Variants in DHX32 observed in about 807,000 individuals in gnomAD.
The protein encoded by DHX32 is DEAH-box helicase 32 (putative).
Under a neutral mutation model 70.0 loss-of-function variants are expected in DHX32, and 51 were observed. The observed-to-expected ratio is 0.73, with a 90% CI of 0.58 to 0.92. The LOEUF (loss-of-function observed/expected upper bound fraction) is 0.92, where lower values mean the gene tolerates loss of function less well. Among genes scored for constraint, DHX32 ranks in the 40% least tolerant of loss-of-function variants. The pLI, the probability that DHX32 is intolerant of heterozygous loss-of-function variation, is 0.00. For synonymous variants in DHX32, 310 were observed against 315.3 expected, an observed-to-expected ratio of 0.98 and a Z score of 0.18; for missense variants, 762 against 891.8, an observed-to-expected ratio of 0.85 and a Z score of 1.85.
intron 2 of DHX32, among the ~76,000 whole-genome samples, chr10:125,865,372 T>C (rs747625259): frequency 7.9e-5 from 12 of 152,238 alleles, no homozygotes; most frequent in Non-Finnish European, 1.6e-4. Flanking sequence ...ATAATTGTTA[T>C]AATAACAGAA....
chr10:125,873,085 C>T (rs1006097108), intron 1 of DHX32, among the ~76,000 whole-genome samples: 8 of 152,078 alleles, frequency 5.3e-5, no homozygotes, highest in Admixed American at 2.6e-4. Flanking sequence ...AGGGAGATCT[C>T]CTATAAGAAT....
At chr10:125,876,879 A>G (rs1944287511) in intron 1 of DHX32, among the ~76,000 whole-genome samples, 1 of 152,240 alleles carries the variant, frequency 6.6e-6, no homozygotes, top group South Asian at 2.1e-4. Flanking sequence ...TAGAAATCAG[A>G]TAATAATTAG....
rs1944313542 is a variant in DHX32 at position 125,880,930 on chromosome 10, G to A, written c.-106C>T. On this transcript the variant is annotated 5_prime_UTR_variant, in exon 1 of 11. Coordinates refer to ENST00000284690, the MANE Select transcript of DHX32 (RefSeq NM_018180.3). ...AAAGCCTATTTATACAAACCCGTATGTTCCAATCTCTAAGACTTCAGTTCA... is the reference window on the plus strand; with the variant it reads ...AAAGCCTATTTATACAAACCCGTATATTCCAATCTCTAAGACTTCAGTTCA... 2 of 1,324,062 alleles carry A rather than the reference G, an allele frequency of 1.5e-6. No individual in the cohort carries two copies. Among genetic ancestry groups the A allele is most frequent in the Non-Finnish European group, 2.1e-6 (2 of 968,152 alleles). The allele number at this position is 1,324,062 out of a possible 1,614,324, so 82.0% of individuals were successfully genotyped here.
At chr10:125,847,933 C>T (rs1304198263) in intron 6 of DHX32, among the ~76,000 whole-genome samples, 1 of 152,174 alleles carries the variant, frequency 6.6e-6, no homozygotes, top group Non-Finnish European at 1.5e-5. Context: ...TGCTCGCTTG[C>T]CCCCCACTCA....
rs534005692 is a variant in DHX32, at chr10:125,872,109, G to A, written c.283-4926C>T. ...ATTCCCAACCTCAGGTGATCCGCCC[G>A]CCTCGGCCTCCCAAAGTGCTGGGAT... is the stretch of plus-strand genomic sequence containing the variant. On this transcript the variant is annotated intron_variant, in intron 1 of 10. Transcript: ENST00000284690. Among the ~76,000 whole-genome samples, 71 of 152,154 alleles carry A rather than the reference G, an allele frequency of 4.7e-4. 3 individuals carry two copies. In the South Asian group the frequency reaches 0.015, roughly 31 times the overall value.
At chr10:125,872,427 G>A (rs1944261243) in intron 1 of DHX32, among the ~76,000 whole-genome samples, 1 of 152,108 alleles carries the variant, frequency 6.6e-6, no homozygotes, top group African/African-American at 2.4e-5. Context: ...TGAATTCTGG[G>A]TCACTTTGTG....
chr10:125,844,905 T>C (rs986823610), intron 6 of DHX32, among the ~76,000 whole-genome samples: 8 of 152,230 alleles, frequency 5.3e-5, no homozygotes, highest in African/African-American at 1.9e-4. Context: ...ACACTCCTCC[T>C]CCACTACCAT....
intron 4 of DHX32, chr10:125,853,153 G>A (rs1944113906): frequency 1.2e-6 from 2 of 1,610,638 alleles, no homozygotes; most frequent in Non-Finnish European, 8.5e-7. Flanking sequence ...TGACAGCCCT[G>A]GTTTCTCTGA....
At chr10:125,896,161 C>A (rs1944509157) in intron 1 of DHX32, 2 of 163,970 alleles carry the variant, frequency 1.2e-5, no homozygotes, top group South Asian at 2.0e-4. Flanking sequence ...CGGCTCGGGG[C>A]GCGCCCGCCC....
chr10:125,859,801 G>C lies in DHX32; in HGVS notation c.651C>G (p.Ser217=), dbSNP rs762175006. The change falls in exon 3 of 11, where the codon TCC becomes TCG. Residue 217 remains serine, a synonymous_variant. Coordinates refer to ENST00000284690, the MANE Select transcript of DHX32 (RefSeq NM_018180.3). ...TGAGTTTGCTGATCAGGTGAGGTGA[G>C]GAGTTAATTATGAGCTTCAGTTCTG... The part of the protein sequence containing the change: ...ARPELKLIIN[S]SPHLISKLNS... 2 of 1,613,924 alleles carry C rather than the reference G, an allele frequency of 1.2e-6. No homozygotes were observed. The highest frequency in any genetic ancestry group is 1.7e-6 in the Non-Finnish European group (2 of 1,180,000).
chr10:125,860,072 A>G, intron 2 of DHX32, 97 bp from the exon 3 acceptor site: 1 of 1,155,786 alleles, frequency 8.7e-7, no homozygotes, highest in Non-Finnish European at 1.2e-6. Context: ...TCATTTCTCT[A>G]AATCAGTAAC....
At chr10:125,837,372 A>G (rs1854726946) in intron 10 of DHX32, among the ~76,000 whole-genome samples, 1 of 152,218 alleles carries the variant, frequency 6.6e-6, no homozygotes, top group African/African-American at 2.4e-5. Context: ...AGACTAGTGG[A>G]GTAGTCTCAC....
chr10:125,857,435 T>A (rs926595200), intron 3 of DHX32, among the ~76,000 whole-genome samples: 10 of 152,210 alleles, frequency 6.6e-5, no homozygotes, highest in African/African-American at 2.4e-4. Flanking sequence ...GGAGCTCACC[T>A]TTAGAGGGTC....
At chr10:125,856,283 A>G (rs1944145997) in intron 3 of DHX32, among the ~76,000 whole-genome samples, 1 of 152,270 alleles carries the variant, frequency 6.6e-6, no homozygotes, top group Non-Finnish European at 1.5e-5. Context: ...AAGAAGATCC[A>G]CAACTGCATA....
intron 8 of DHX32, among the ~76,000 whole-genome samples, chr10:125,840,203 G>C (rs553583735): frequency 1.3e-5 from 2 of 152,180 alleles, no homozygotes; most frequent in African/African-American, 4.8e-5. Flanking sequence ...CCCTCCTCTT[G>C]TTTCTGTCTG....
At chr10:125,858,439 A>T (rs1040272500) in intron 3 of DHX32, among the ~76,000 whole-genome samples, 10 of 152,364 alleles carry the variant, frequency 6.6e-5, no homozygotes, top group African/African-American at 2.4e-4. Flanking sequence ...AAGAGAATGT[A>T]TATCATATAC....
chr10:125,855,448 G>GT (rs777479193), intron 3 of DHX32, among the ~76,000 whole-genome samples: 6,211 of 121,416 alleles, frequency 0.051, 272 homozygotes, highest in Non-Finnish European at 0.069. Context: ...AAGATAAACT[G>GT]TTTTTTTTTT....
chr10:125,854,357 T>TA, intron 3 of DHX32, 154 bp from the exon 4 acceptor site: 1 of 590,294 alleles, frequency 1.7e-6, no homozygotes, highest in South Asian at 4.0e-5. Context: ...TTTAAATAAG[T>TA]AAAGATGCAC....
chr10:125,865,294 G>C (rs998509959), intron 2 of DHX32, among the ~76,000 whole-genome samples: 1 of 151,996 alleles, frequency 6.6e-6, no homozygotes, highest in African/African-American at 2.4e-5. Flanking sequence ...TGTTTCTTTT[G>C]TACCACTCAC....
Sources: allele counts gnomAD v4.1 joint callset (sites outside exome capture counted in the v4.1 genomes callset), GRCh38; gene constraint gnomAD v4.1.1; transcripts MANE v1.5; gene names NCBI Gene and HGNC (gene_info 2026-07-23, HGNC 2026-07-21).